KDM4C: variants seen among roughly 807,000 people sequenced by gnomAD.
The protein encoded by KDM4C is lysine-specific demethylase 4C.
A neutral mutation model predicts 129.3 loss-of-function variants in KDM4C; 81 were observed. The ratio of observed to expected loss-of-function variants is 0.63; its 90% CI spans 0.52 to 0.75. The LOEUF (loss-of-function observed/expected upper bound fraction) is 0.75. KDM4C is among the 30% of genes least tolerant of loss of function. The pLI, the probability that KDM4C is intolerant of heterozygous loss-of-function variation, is 0.00. For missense variants in KDM4C, 1,457 were observed against 1,304.0 expected (o/e 1.12, Z -1.81); for synonymous variants, 573 against 456.1 (o/e 1.26, Z -3.26).
chr9:6,824,165 T>C (rs1833502121), intron 4 of KDM4C, among the ~76,000 whole-genome samples: 2 of 152,188 alleles, frequency 1.3e-5, no homozygotes, highest in Non-Finnish European at 1.5e-5. Flanking sequence ...AGTTGGAAAA[T>C]GATAACAGAG....
intron 1 of KDM4C, among the ~76,000 whole-genome samples, chr9:6,737,964 C>G (rs926243938): frequency 1.3e-5 from 2 of 150,666 alleles, no homozygotes; most frequent in African/African-American, 4.9e-5. Context: ...AAAACCCCAT[C>G]TCTACTAAAA....
At chr9:7,008,949 GCATGGATACCAACTCATGGTCA>G (rs1472609964) in intron 12 of KDM4C, among the ~76,000 whole-genome samples, 1 of 152,204 alleles carries the variant, frequency 6.6e-6, no homozygotes, top group Non-Finnish European at 1.5e-5. Flanking sequence ...TTCTTCAAAT[GCATGGATACCAACTCATGGTCA>G]CAAGAATCAT....
At chr9:6,779,829 A>C (rs926487312) in intron 1 of KDM4C, among the ~76,000 whole-genome samples, 1 of 152,226 alleles carries the variant, frequency 6.6e-6, no homozygotes, top group Non-Finnish European at 1.5e-5. Flanking sequence ...CCAGATGTGC[A>C]TCACATGGAG....
rs1449732683 is a variant in KDM4C at position 7,128,242 on chromosome 9, T to A, written c.2781+6T>A. On this transcript the variant is annotated splice_donor_region_variant and intron_variant, in intron 19 of 21. Transcript: ENST00000381309. ...CATTTCCTGAGGATATCGTGGTAAG[T>A]AGGCTTCCTTGAGTGCCTGCTACCC... The A allele has an allele frequency of 6.4e-7, 1 of 1,565,124 alleles. No homozygotes were observed. Among genetic ancestry groups the A allele is most frequent in the South Asian group, 1.2e-5 (1 of 83,848 alleles).
intron 8 of KDM4C, among the ~76,000 whole-genome samples, chr9:6,935,956 T>A (rs1353513326): frequency 1.3e-5 from 2 of 150,864 alleles, no homozygotes; most frequent in Non-Finnish European, 2.9e-5. Context: ...TAAAATGTCA[T>A]CTTCTTGTTT....
At chr9:6,863,763 C>T (rs373349587) in intron 5 of KDM4C, among the ~76,000 whole-genome samples, 1 of 144,722 alleles carries the variant, frequency 6.9e-6, no homozygotes, top group East Asian at 2.0e-4. Context: ...CCACTGCCTC[C>T]AGCCTGGGCG....
intron 8 of KDM4C, among the ~76,000 whole-genome samples, chr9:6,978,073 A>G (rs1042855343): frequency 6.6e-6 from 1 of 152,204 alleles, no homozygotes; most frequent in Non-Finnish European, 1.5e-5. Flanking sequence ...TTTCAGCAAC[A>G]TTCTACAAGA....
chr9:7,166,686 T>C (rs1330296540), intron 20 of KDM4C, among the ~76,000 whole-genome samples: 1 of 152,128 alleles, frequency 6.6e-6, no homozygotes, highest in African/African-American at 2.4e-5. Context: ...AATTAAATAA[T>C]AAGTGCAAAA....
rs1012768554 is a variant in KDM4C, at chr9:6,758,139, C to T, written c.-82C>T. The T allele has an allele frequency of 3.0e-5, 30 of 985,564 alleles. No individual in the cohort carries two copies. The highest frequency in any genetic ancestry group is 1.0e-4 in the African/African-American group (6 of 57,254). The allele number at this position is 985,564 out of a possible 1,614,324, so 61.1% of individuals were successfully genotyped here. On this transcript the variant is annotated 5_prime_UTR_variant, in exon 1 of 22. Transcript: ENST00000381309. The surrounding 1 kb of genome is among the most constrained non-coding windows in gnomAD (Gnocchi z 4.6). ...CCCAAATTTCCCAAATCTCCCTGGG[C>T]CGGAGGCCACTGTCTTCTCTTCCTC...
At chr9:6,925,295 T>C in intron 8 of KDM4C, 1 of 985,258 alleles carries the variant, frequency 1.0e-6, no homozygotes. Flanking sequence ...AATATAATAA[T>C]GGAGGTCAAA....
At chr9:6,879,288 A>T (rs1380829966) in intron 5 of KDM4C, among the ~76,000 whole-genome samples, 2 of 152,206 alleles carry the variant, frequency 1.3e-5, no homozygotes, top group African/African-American at 4.8e-5. Context: ...TGTATAGGAT[A>T]TTATGAGATT....
intron 17 of KDM4C, among the ~76,000 whole-genome samples, chr9:7,086,617 C>G (rs1487501022): frequency 1.3e-5 from 2 of 152,164 alleles, no homozygotes; most frequent in Non-Finnish European, 2.9e-5. Context: ...TTGATCCTGT[C>G]TGGATTGCCT....
chr9:6,845,012 A>T (rs1268620679), intron 4 of KDM4C, among the ~76,000 whole-genome samples: 3 of 152,138 alleles, frequency 2.0e-5, no homozygotes, highest in Non-Finnish European at 2.9e-5. Context: ...CTAATGTTGC[A>T]TTGGAAATAT....
chr9:6,845,080 G>A (rs971150116), intron 4 of KDM4C, among the ~76,000 whole-genome samples: 22 of 152,218 alleles, frequency 1.4e-4, no homozygotes, highest in African/African-American at 4.8e-4. Flanking sequence ...AGGTGGAAAT[G>A]GCTCATTATT....
At chr9:6,971,546 G>A (rs1000358688) in intron 8 of KDM4C, among the ~76,000 whole-genome samples, 3 of 152,152 alleles carry the variant, frequency 2.0e-5, no homozygotes, top group Admixed American at 2.0e-4. Context: ...TCCAGAGCTT[G>A]TTAATGATTC....
chr9:6,957,143 ACT>A (rs981122434), intron 8 of KDM4C, among the ~76,000 whole-genome samples: 9 of 152,084 alleles, frequency 5.9e-5, no homozygotes, highest in African/African-American at 1.9e-4. Flanking sequence ...GAAAATAATG[ACT>A]CTGGCATAAG....
intron 8 of KDM4C, among the ~76,000 whole-genome samples, chr9:6,898,316 A>T (rs1392590784): frequency 6.6e-6 from 1 of 152,216 alleles, no homozygotes; most frequent in Admixed American, 6.5e-5. Flanking sequence ...AGTAAAAAAG[A>T]ATCATTGTCT....
In KDM4C at chr9:6,826,823, C is replaced by T. The variant is rs1020971287; in HGVS notation, c.435+12078C>T. ...TAGAGGTTGCAATGAGCTGAGATCGCGCCACTGCACTCCAGCCTGGGCGAC... is the reference window on the plus strand; with the variant it reads ...TAGAGGTTGCAATGAGCTGAGATCGTGCCACTGCACTCCAGCCTGGGCGAC... On this transcript the variant is annotated intron_variant, in intron 4 of 21. Coordinates refer to ENST00000381309, the MANE Select transcript of KDM4C (RefSeq NM_015061.6). 5.3e-5 allele frequency among the ~76,000 whole-genome samples: 8 copies of T among 151,318 alleles called. No homozygotes were observed. In the East Asian group the frequency reaches 5.8e-4, roughly 11 times the overall value.
At chr9:6,733,931 G>A (rs553975511) in intron 1 of KDM4C, among the ~76,000 whole-genome samples, 3 of 152,122 alleles carry the variant, frequency 2.0e-5, no homozygotes, top group Non-Finnish European at 1.5e-5. Flanking sequence ...ACAACCAGAG[G>A]TCACGCTCAC....
Sources: allele counts gnomAD v4.1 joint callset (sites outside exome capture counted in the v4.1 genomes callset), GRCh38; gene constraint gnomAD v4.1.1; non-coding constraint Gnocchi (gnomAD v3.1); transcripts MANE v1.5; gene names NCBI Gene and HGNC (gene_info 2026-07-23, HGNC 2026-07-21).